KLF12: variants seen among roughly 807,000 people sequenced by gnomAD.
KLF12 encodes KLF transcription factor 12, also known as Krueppel-like factor 12.
KLF12 carries 9 observed loss-of-function variants against 37.8 expected under a neutral mutation model. The observed-to-expected ratio is 0.24, with a 90% CI of 0.14 to 0.42. KLF12 has a LOEUF of 0.42. Ranked by LOEUF, KLF12 falls within the 10% of genes least tolerant of loss-of-function variation. The pLI, the probability that KLF12 is intolerant of heterozygous loss-of-function variation, is 1.00. For synonymous variants in KLF12, 208 were observed against 202.1 expected, an observed-to-expected ratio of 1.03 and a Z score of -0.25; for missense variants, 411 against 516.0, an observed-to-expected ratio of 0.80 and a Z score of 1.97.
chr13:73,868,335 G>GT (rs1886290416), intron 3 of KLF12, among the ~76,000 whole-genome samples: 1 of 135,332 alleles, frequency 7.4e-6, no homozygotes, highest in Admixed American at 7.3e-5. Flanking sequence ...GGTGGGGGGG[G>GT]GGGGTGATTT....
At chr13:73,915,354 A>G (rs1888769023) in intron 3 of KLF12, among the ~76,000 whole-genome samples, 1 of 152,162 alleles carries the variant, frequency 6.6e-6, no homozygotes, top group South Asian at 2.1e-4. Flanking sequence ...TAGGACATGG[A>G]TATCTTTAGA....
intron 4 of KLF12, among the ~76,000 whole-genome samples, chr13:73,841,991 C>T (rs965874990): frequency 6.6e-6 from 1 of 152,118 alleles, no homozygotes; most frequent in Admixed American, 6.5e-5. Flanking sequence ...GTAGAGATGT[C>T]GGGGTGTTCT....
At chr13:73,840,986 A>G (rs1361030515) in intron 4 of KLF12, among the ~76,000 whole-genome samples, 1 of 152,134 alleles carries the variant, frequency 6.6e-6, no homozygotes, top group Non-Finnish European at 1.5e-5. Context: ...CTTCTCAGAG[A>G]GGCCTTCCTT....
chr13:73,973,706 GCACAGGA>G (rs1367523570), intron 2 of KLF12, among the ~76,000 whole-genome samples: 1 of 151,908 alleles, frequency 6.6e-6, no homozygotes, highest in Non-Finnish European at 1.5e-5. Context: ...GGTAAACATA[GCACAGGA>G]CAAAAAGGAA....
intron 3 of KLF12, among the ~76,000 whole-genome samples, chr13:73,849,026 G>A (rs1416387925): frequency 2.0e-5 from 3 of 152,018 alleles, no homozygotes; most frequent in Non-Finnish European, 4.4e-5. Flanking sequence ...AATGATTATG[G>A]TGCAGGTAAA....
chr13:73,881,749 TA>T (rs935228882), intron 3 of KLF12, among the ~76,000 whole-genome samples: 39 of 152,262 alleles, frequency 2.6e-4, no homozygotes, highest in African/African-American at 7.9e-4. Context: ...CTGACAAACT[TA>T]AAACAATTCT....
intron 6 of KLF12, among the ~76,000 whole-genome samples, chr13:73,729,638 C>G (rs116220955): frequency 6.6e-6 from 1 of 152,240 alleles, no homozygotes; most frequent in East Asian, 1.9e-4. Flanking sequence ...CCTCCTGTAC[C>G]ATATTTATTG....
In KLF12 at chr13:73,687,176, T is replaced by C. The variant is rs1593954216; in HGVS notation, c.*8314A>G. 6.6e-6 allele frequency: 1 copy of C among 152,658 alleles called. No individual in the cohort carries two copies. Among genetic ancestry groups the C allele is most frequent in the East Asian group, 1.9e-4 (1 of 5,198 alleles). 9.5% of individuals were successfully genotyped at this position (152,658 alleles called of 1,614,324 possible). A position where few individuals can be genotyped will look rare whatever the true frequency, so the allele number is the denominator to read the frequency against. ...TTTCTCTTTTTTTAAATGAGCATGT[T>C]ATGATACACATAATTGCATTATGAT... On this transcript the variant is annotated 3_prime_UTR_variant, in exon 8 of 8. Transcript: ENST00000377669.
At chr13:73,944,952 T>G (rs1489051001) in intron 2 of KLF12, among the ~76,000 whole-genome samples, 1 of 152,192 alleles carries the variant, frequency 6.6e-6, no homozygotes, top group African/African-American at 2.4e-5. Flanking sequence ...ACATATTGAC[T>G]CAACTACAAA....
intron 1 of KLF12, among the ~76,000 whole-genome samples, chr13:74,073,593 T>C (rs573462299): frequency 1.4e-4 from 21 of 152,294 alleles, no homozygotes; most frequent in Middle Eastern, 6.8e-3. Context: ...AGAAGCTCCA[T>C]TGGTATACCC....
At chr13:73,953,019 C>G (rs1890698881) in intron 2 of KLF12, among the ~76,000 whole-genome samples, 1 of 152,124 alleles carries the variant, frequency 6.6e-6, no homozygotes, top group African/African-American at 2.4e-5. Flanking sequence ...TAAGAAAGAG[C>G]TGGGAGAAGA....
intron 2 of KLF12, among the ~76,000 whole-genome samples, chr13:73,975,034 T>C (rs534666264): frequency 1.1e-4 from 16 of 152,340 alleles, no homozygotes; most frequent in African/African-American, 3.8e-4. Flanking sequence ...GCAACTTTTA[T>C]TGTAGCTTTA....
chr13:73,861,003 T>C (rs1011069967), intron 3 of KLF12, among the ~76,000 whole-genome samples: 3 of 152,222 alleles, frequency 2.0e-5, no homozygotes, highest in Admixed American at 2.0e-4. Flanking sequence ...TTTTGTATTT[T>C]TGCTAATTTG....
chr13:73,728,469 G>A (rs1348453148), intron 6 of KLF12, among the ~76,000 whole-genome samples: 2 of 152,190 alleles, frequency 1.3e-5, no homozygotes, highest in African/African-American at 4.8e-5. Flanking sequence ...CGGCTAGAAT[G>A]TTGAGTGAAA....
chr13:74,127,617 T>C (rs1878015257), intron 1 of KLF12, among the ~76,000 whole-genome samples: 1 of 152,248 alleles, frequency 6.6e-6, no homozygotes, highest in Non-Finnish European at 1.5e-5. Context: ...AGTTTGTTTC[T>C]TTGCTCTTGC....
chr13:74,075,422 C>A (rs1460645389), intron 1 of KLF12, among the ~76,000 whole-genome samples: 8 of 152,150 alleles, frequency 5.3e-5, no homozygotes, highest in Admixed American at 5.2e-4. Flanking sequence ...CAGAATCATA[C>A]AGGAAACTTA....
intron 1 of KLF12, among the ~76,000 whole-genome samples, chr13:74,032,694 C>T (rs758354169): frequency 1.3e-5 from 2 of 152,120 alleles, no homozygotes; most frequent in Non-Finnish European, 2.9e-5. Flanking sequence ...TAATTTACCA[C>T]CTGATCATAT....
chr13:73,935,440 G>C (rs570004586), intron 3 of KLF12, among the ~76,000 whole-genome samples: 2 of 151,938 alleles, frequency 1.3e-5, no homozygotes, highest in Admixed American at 6.6e-5. Context: ...GTTGAAATGC[G>C]ACCTCCAATG....
At chr13:74,076,629 G>T (rs1326033660) in intron 1 of KLF12, among the ~76,000 whole-genome samples, 1 of 152,170 alleles carries the variant, frequency 6.6e-6, no homozygotes, top group East Asian at 1.9e-4. Flanking sequence ...CATTGGCCAT[G>T]AATTTCCTTT....
Sources: gnomAD v4.1 joint callset for allele counts (sites outside exome capture counted in the v4.1 genomes callset) on GRCh38, gnomAD v4.1.1 for gene constraint, MANE v1.5 for transcripts, NCBI Gene and HGNC (gene_info 2026-07-23, HGNC 2026-07-21) for gene names.